TBC1D22A: variants seen among roughly 807,000 people sequenced by gnomAD.
The protein encoded by TBC1D22A is TBC1 domain family member 22A.
Under a neutral mutation model 60.2 loss-of-function variants are expected in TBC1D22A, and 38 were observed. The observed-to-expected ratio is 0.63, with a 90% CI of 0.49 to 0.83. The LOEUF (loss-of-function observed/expected upper bound fraction) is 0.83. Ranked by LOEUF, TBC1D22A falls within the 40% of genes least tolerant of loss-of-function variation. The probability of loss-of-function intolerance (pLI) is 0.00; values close to 1 mark genes in which losing one functional copy is unlikely to be tolerated. For synonymous variants in TBC1D22A, 302 were observed against 281.7 expected (o/e 1.07, Z -0.72); for missense variants, 628 against 701.0 (o/e 0.90, Z 1.18).
intron 7 of TBC1D22A, among the ~76,000 whole-genome samples, chr22:46,909,918 G>A (rs1490938347): frequency 6.6e-6 from 1 of 152,184 alleles, no homozygotes; most frequent in African/African-American, 2.4e-5. Flanking sequence ...TGGCTGAGGG[G>A]TTGCCGCCCT....
chr22:47,044,769 C>T lies in TBC1D22A; in HGVS notation c.1329+7571C>T, dbSNP rs895851144. Among the ~76,000 whole-genome samples, 9 of 152,300 alleles carry T rather than the reference C, an allele frequency of 5.9e-5. 1 individual carries two copies. Among genetic ancestry groups the T allele is most frequent in the Non-Finnish European group, 1.3e-4 (9 of 68,032 alleles). ...TGGAAGAGGGGTGTATCTATTCCTT[C>T]GGAGTGACAGTGAAGTCAGTGTCCT... On this transcript the variant is annotated intron_variant, in intron 11 of 12. Transcript: ENST00000337137.
Position 46,797,442 on chromosome 22 carries a change from A to T in TBC1D22A, c.461-2A>T. ...CTCACCCCCATTCTCTCACCCCTGC[A>T]GAAAGTGCCAGCGATGCCGCCCCTC... On this transcript the variant is annotated splice_acceptor_variant, in intron 3 of 12. Coordinates refer to ENST00000337137, the MANE Select transcript of TBC1D22A (RefSeq NM_014346.5). LOFTEE classifies it high-confidence loss of function. 1.2e-6 allele frequency: 2 copies of T among 1,612,606 alleles called. No homozygotes were observed. The highest frequency in any genetic ancestry group is 2.2e-5 in the South Asian group (2 of 90,984).
intron 12 of TBC1D22A, among the ~76,000 whole-genome samples, chr22:47,121,440 A>T (rs765360831): frequency 7.9e-5 from 12 of 152,232 alleles, no homozygotes; most frequent in Non-Finnish European, 1.5e-4. Flanking sequence ...GTTATGGTAC[A>T]TGGCTGGTTA....
At chr22:46,824,809 T>A (rs1403523075) in intron 4 of TBC1D22A, among the ~76,000 whole-genome samples, 2 of 151,942 alleles carry the variant, frequency 1.3e-5, no homozygotes, top group Non-Finnish European at 2.9e-5. Context: ...GGAGTGGCTG[T>A]TGAGGATGGG....
chr22:46,944,603 T>G (rs2072404735), intron 8 of TBC1D22A, among the ~76,000 whole-genome samples: 1 of 152,222 alleles, frequency 6.6e-6, no homozygotes, highest in Non-Finnish European at 1.5e-5. Context: ...TTTCACCGTG[T>G]TAGCCAGGAT....
intron 9 of TBC1D22A, among the ~76,000 whole-genome samples, chr22:46,983,301 A>AT (rs1051675365): frequency 3.3e-5 from 5 of 152,214 alleles, no homozygotes; most frequent in Admixed American, 1.3e-4. Flanking sequence ...TGCAGGAGTG[A>AT]TGACCTTGAG....
At chr22:47,058,108 G>A (rs945172978) in intron 11 of TBC1D22A, among the ~76,000 whole-genome samples, 3 of 152,186 alleles carry the variant, frequency 2.0e-5, no homozygotes, top group Non-Finnish European at 4.4e-5. Context: ...TCTGAGCTCC[G>A]GTGGCCACTG....
intron 10 of TBC1D22A, among the ~76,000 whole-genome samples, chr22:47,016,778 C>T (rs956526458): frequency 1.3e-5 from 2 of 152,218 alleles, no homozygotes; most frequent in East Asian, 1.9e-4. Flanking sequence ...GCTGCTGCCG[C>T]GGATGTCATC....
intron 4 of TBC1D22A, among the ~76,000 whole-genome samples, chr22:46,809,776 G>A (rs2085304187): frequency 6.6e-6 from 1 of 152,150 alleles, no homozygotes; most frequent in Non-Finnish European, 1.5e-5. Context: ...GGTTAGCAGG[G>A]AGCCCTGCCC....
At chr22:47,045,295 G>T (rs1337260641) in intron 11 of TBC1D22A, among the ~76,000 whole-genome samples, 1 of 152,158 alleles carries the variant, frequency 6.6e-6, no homozygotes, top group East Asian at 1.9e-4. Flanking sequence ...CAGAGCCACG[G>T]TCACGGCTGC....
intron 1 of TBC1D22A, among the ~76,000 whole-genome samples, chr22:46,784,653 CT>C (rs554352114): frequency 1.3e-5 from 2 of 151,732 alleles, no homozygotes; most frequent in Admixed American, 6.6e-5. Flanking sequence ...GTTGCAGAGA[CT>C]TTTTTTTTAA....
chr22:46,853,756 C>T (rs1020633498), intron 4 of TBC1D22A, among the ~76,000 whole-genome samples: 9 of 152,182 alleles, frequency 5.9e-5, no homozygotes, highest in Non-Finnish European at 1.2e-4. Context: ...TCAACAGATA[C>T]TTACTGAGCA....
intron 8 of TBC1D22A, among the ~76,000 whole-genome samples, chr22:46,960,807 C>T (rs1220919384): frequency 9.9e-5 from 15 of 151,802 alleles, no homozygotes; most frequent in Admixed American, 8.5e-4. Context: ...ATTAGCCAGG[C>T]GTGGTGGCGG....
At chr22:47,151,463 T>G (rs558711314) in intron 12 of TBC1D22A, among the ~76,000 whole-genome samples, 37 of 152,332 alleles carry the variant, frequency 2.4e-4, no homozygotes, top group African/African-American at 8.9e-4. Flanking sequence ...AAAAGATCAT[T>G]TTGCTAGTGA....
At chr22:46,812,983 T>C (rs1220606329) in intron 4 of TBC1D22A, among the ~76,000 whole-genome samples, 3 of 152,232 alleles carry the variant, frequency 2.0e-5, no homozygotes, top group Admixed American at 6.5e-5. Context: ...TCCGGAGCTG[T>C]CCGTGAGGTG....
At chr22:46,992,536 G>A (rs1023893031) in intron 9 of TBC1D22A, among the ~76,000 whole-genome samples, 5 of 152,256 alleles carry the variant, frequency 3.3e-5, no homozygotes, top group Admixed American at 6.5e-5. Context: ...GGCACCGGCC[G>A]GGGACCGGCC....
intron 12 of TBC1D22A, among the ~76,000 whole-genome samples, chr22:47,157,558 C>T (rs1417021522): frequency 3.9e-5 from 6 of 152,206 alleles, no homozygotes; most frequent in African/African-American, 1.2e-4. Context: ...CCTCGCAGGA[C>T]GGCGGGTGCG....
At chr22:46,766,530 A>T (rs1269400567) in intron 1 of TBC1D22A, among the ~76,000 whole-genome samples, 1 of 151,930 alleles carries the variant, frequency 6.6e-6, no homozygotes, top group Non-Finnish European at 1.5e-5. Flanking sequence ...GATCTTTCAG[A>T]TAGTTCAACT....
chr22:46,831,832 C>T (rs939912322), intron 4 of TBC1D22A, among the ~76,000 whole-genome samples: 29 of 152,094 alleles, frequency 1.9e-4, no homozygotes, highest in African/African-American at 6.3e-4. Context: ...AGAGAAGGAG[C>T]GATAGATCAT....
Sources: allele counts gnomAD v4.1 joint callset (sites outside exome capture counted in the v4.1 genomes callset), GRCh38; gene constraint gnomAD v4.1.1; transcripts MANE v1.5; gene names NCBI Gene and HGNC (gene_info 2026-07-23, HGNC 2026-07-21).